NELL1: variants seen among roughly 807,000 people sequenced by gnomAD.
NELL1 encodes protein kinase C-binding protein NELL1.
NELL1 carries 76 observed loss-of-function variants against 107.4 expected under a neutral mutation model. The ratio of observed to expected loss-of-function variants is 0.71; its 90% CI spans 0.59 to 0.86. The LOEUF (loss-of-function observed/expected upper bound fraction) is 0.86, where lower values mean the gene tolerates loss of function less well. Ranked by LOEUF, NELL1 falls within the 40% of genes least tolerant of loss-of-function variation. NELL1 has a pLI of 0.00. For synonymous variants in NELL1, 353 were observed against 341.2 expected, an observed-to-expected ratio of 1.03 and a Z score of -0.38; for missense variants, 1,024 against 1,005.5, an observed-to-expected ratio of 1.02 and a Z score of -0.25.
At chr11:21,500,606 G>A (rs1279572401) in intron 15 of NELL1, among the ~76,000 whole-genome samples, 1 of 151,972 alleles carries the variant, frequency 6.6e-6, no homozygotes, top group Non-Finnish European at 1.5e-5. Context: ...TTTATTTTCA[G>A]CACCCAGAGC....
intron 2 of NELL1, among the ~76,000 whole-genome samples, chr11:20,756,788 T>C (rs1380779300): frequency 6.6e-6 from 1 of 152,130 alleles, no homozygotes; most frequent in Non-Finnish European, 1.5e-5. Context: ...TACTGCCACA[T>C]ATCCCTGAGA....
At chr11:21,100,156 A>G (rs1284598514) in intron 12 of NELL1, among the ~76,000 whole-genome samples, 1 of 152,034 alleles carries the variant, frequency 6.6e-6, no homozygotes, top group East Asian at 1.9e-4. Flanking sequence ...AGCTGGGATT[A>G]GAGACATGCA....
chr11:20,961,479 G>C (rs931966149), intron 12 of NELL1, among the ~76,000 whole-genome samples: 3 of 152,140 alleles, frequency 2.0e-5, no homozygotes, highest in African/African-American at 7.2e-5. Context: ...GATTTGGGTA[G>C]TTGTCTTCAA....
rs74735956 is a variant in NELL1, at chr11:21,519,714, G to A, written c.1646-14660G>A. 5.0e-3 allele frequency among the ~76,000 whole-genome samples: 760 copies of A among 152,060 alleles called. 5 individuals are homozygous for A. Among genetic ancestry groups the A allele is most frequent in the African/African-American group, 0.017 (721 of 41,494 alleles). On this transcript the variant is annotated intron_variant, in intron 15 of 19. Transcript: ENST00000357134. ...GATGAAGGATGGGGAATGTACAGCC[G>A]CTACCACTCTACTGGCTAAAATTGA...
At chr11:21,041,144 A>G (rs922616688) in intron 12 of NELL1, among the ~76,000 whole-genome samples, 2 of 152,198 alleles carry the variant, frequency 1.3e-5, no homozygotes, top group Non-Finnish European at 2.9e-5. Context: ...TACAGTGAAG[A>G]GAACAATGGC....
rs1214880384 is a variant in NELL1 at position 21,573,193 on chromosome 11, G to C, written c.2166G>C (p.Glu722Asp). 2 of 1,611,578 alleles carry C rather than the reference G, an allele frequency of 1.2e-6. No homozygotes were observed. The change falls in exon 19 of 20, where the codon GAG (glutamate) becomes GAC (aspartate). Residue 722 changes from glutamate to aspartate, a missense_variant. Physicochemically the swap from Glu to Asp is conservative, Grantham distance 45. Transcript: ENST00000357134. ...TTGCTTTTCCTCTACAGGAAGGAGA[G>C]GTAGATTGCTGGCCACTCACTTGCC... ...SCQQCRCLEG[E>D]VDCWPLTCPN...
intron 15 of NELL1, among the ~76,000 whole-genome samples, chr11:21,408,094 G>C (rs757583737): frequency 3.9e-5 from 6 of 151,936 alleles, no homozygotes; most frequent in Non-Finnish European, 8.8e-5. Context: ...TGCTCATGGA[G>C]AGCAGCATGA....
At chr11:21,056,117 G>C (rs1054306803) in intron 12 of NELL1, among the ~76,000 whole-genome samples, 1 of 152,146 alleles carries the variant, frequency 6.6e-6, no homozygotes, top group African/African-American at 2.4e-5. Flanking sequence ...TGAAGTGAGA[G>C]AGGTCCAGTA....
chr11:21,514,597 G>A (rs1018917282), intron 15 of NELL1, among the ~76,000 whole-genome samples: 1 of 152,030 alleles, frequency 6.6e-6, no homozygotes. Flanking sequence ...GTTTTTTTTA[G>A]AGATGCCAGG....
At chr11:21,483,844 A>G (rs1194986647) in intron 15 of NELL1, among the ~76,000 whole-genome samples, 1 of 129,624 alleles carries the variant, frequency 7.7e-6, no homozygotes, top group Non-Finnish European at 1.6e-5. Context: ...ATGAAATTAT[A>G]TATAGTATAT....
At chr11:20,834,301 T>C (rs1590335913) in intron 3 of NELL1, among the ~76,000 whole-genome samples, 2 of 152,000 alleles carry the variant, frequency 1.3e-5, no homozygotes, top group East Asian at 3.9e-4. Flanking sequence ...AATGCTTAGG[T>C]TTTTAGCTTC....
intron 12 of NELL1, among the ~76,000 whole-genome samples, chr11:20,995,637 G>A (rs1227005310): frequency 6.6e-6 from 1 of 151,880 alleles, no homozygotes; most frequent in African/African-American, 2.4e-5. Flanking sequence ...GAGAAGAGTG[G>A]CTCCAGTTCT....
intron 12 of NELL1, among the ~76,000 whole-genome samples, chr11:21,000,033 C>T (rs1852180557): frequency 6.6e-6 from 1 of 151,910 alleles, no homozygotes; most frequent in Admixed American, 6.6e-5. Flanking sequence ...AGATGATGTT[C>T]CTCAGATCCA....
intron 13 of NELL1, among the ~76,000 whole-genome samples, chr11:21,175,970 GTCTGCCATGTTTACTCCAGGT>G (rs1856703922): frequency 6.6e-6 from 1 of 151,554 alleles, no homozygotes; most frequent in African/African-American, 2.4e-5. Flanking sequence ...TCTTTACCTT[GTCTGCCATGTTTACTCCAGGT>G]TCAGGGGCTT....
intron 14 of NELL1, among the ~76,000 whole-genome samples, chr11:21,313,470 A>G (rs1849793467): frequency 6.6e-6 from 1 of 152,166 alleles, no homozygotes; most frequent in Non-Finnish European, 1.5e-5. Flanking sequence ...TGTTACAGTG[A>G]CTGAGGCACA....
intron 3 of NELL1, among the ~76,000 whole-genome samples, chr11:20,806,487 G>A (rs1857387539): frequency 6.6e-6 from 1 of 151,984 alleles, no homozygotes; most frequent in Admixed American, 6.6e-5. Context: ...ACCTTTGGGG[G>A]TTTGATTACT....
intron 2 of NELL1, among the ~76,000 whole-genome samples, chr11:20,727,400 G>C (rs7121202): frequency 0.11 from 16,578 of 152,228 alleles, 1,079 homozygotes; most frequent in Non-Finnish European, 0.15. Context: ...GTCTTCTTTT[G>C]AGAAGTGTCT....
At chr11:21,212,695 G>T (rs1353155118) in intron 13 of NELL1, among the ~76,000 whole-genome samples, 1 of 152,090 alleles carries the variant, frequency 6.6e-6, no homozygotes, top group African/African-American at 2.4e-5. Flanking sequence ...AGCCCATCAG[G>T]GAACTGGAGC....
chr11:21,284,472 A>T (rs1198743148), intron 14 of NELL1: 4 of 458,856 alleles, frequency 8.7e-6, no homozygotes. Context: ...AAACTGGGAG[A>T]TGGTCTCTTC....
Sources: gnomAD v4.1 joint callset for allele counts (sites outside exome capture counted in the v4.1 genomes callset) on GRCh38, gnomAD v4.1.1 for gene constraint, MANE v1.5 for transcripts, NCBI Gene and HGNC (gene_info 2026-07-23, HGNC 2026-07-21) for gene names.